ADGRL4: variants seen among roughly 807,000 people sequenced by gnomAD.
ADGRL4 encodes adhesion G protein-coupled receptor L4.
In ADGRL4, 90 loss-of-function variants were observed where a neutral mutation model predicts 74.8. The observed-to-expected ratio is 1.20, with a 90% CI of 1.02 to 1.43. The LOEUF (loss-of-function observed/expected upper bound fraction) is 1.43, where lower values mean the gene tolerates loss of function less well. Among genes scored for constraint, ADGRL4 ranks in the 40% most tolerant of loss-of-function variants. ADGRL4 has a pLI of 0.00. For missense variants in ADGRL4, 881 were observed against 814.3 expected (o/e 1.08, Z -1.00); for synonymous variants, 311 against 279.2 (o/e 1.11, Z -1.14).
At chr1:78,936,851 T>C (rs992809601) in intron 6 of ADGRL4, among the ~76,000 whole-genome samples, 1 of 152,172 alleles carries the variant, frequency 6.6e-6, no homozygotes, top group African/African-American at 2.4e-5. Context: ...AGAGCACCTA[T>C]ATATTAGTCA....
intron 12 of ADGRL4, among the ~76,000 whole-genome samples, chr1:78,898,441 A>G (rs1648444377): frequency 6.6e-6 from 1 of 152,010 alleles, no homozygotes; most frequent in Admixed American, 6.6e-5. Context: ...TCTAAATGTT[A>G]GTGCCAAAAA....
At chr1:78,965,340 G>A (rs1477123359) in intron 2 of ADGRL4, among the ~76,000 whole-genome samples, 1 of 152,062 alleles carries the variant, frequency 6.6e-6, no homozygotes, top group Non-Finnish European at 1.5e-5. Flanking sequence ...AATATTTGGA[G>A]CATTAACTCC....
intron 8 of ADGRL4, among the ~76,000 whole-genome samples, chr1:78,922,810 T>C (rs929971641): frequency 2.6e-5 from 4 of 151,976 alleles, no homozygotes; most frequent in Non-Finnish European, 5.9e-5. Flanking sequence ...ACTCAAATTT[T>C]CAGACAAATA....
chr1:78,997,525 GTT>G (rs577400279), intron 2 of ADGRL4, among the ~76,000 whole-genome samples: 2 of 151,508 alleles, frequency 1.3e-5, no homozygotes, highest in East Asian at 3.9e-4. Flanking sequence ...AAAGTAATAA[GTT>G]TTTTTTTGTT....
intron 2 of ADGRL4, among the ~76,000 whole-genome samples, chr1:78,950,181 A>G (rs907064948): frequency 1.3e-5 from 2 of 152,160 alleles, no homozygotes; most frequent in Non-Finnish European, 2.9e-5. Flanking sequence ...TGATGTTTGG[A>G]GTCAGGTAAT....
chr1:78,907,683 A>G (rs960367863), intron 12 of ADGRL4, among the ~76,000 whole-genome samples: 1 of 151,962 alleles, frequency 6.6e-6, no homozygotes, highest in East Asian at 1.9e-4. Context: ...ATGAGTGGTA[A>G]CTAGATGGAG....
At chr1:78,903,991 A>C (rs1010776790) in intron 12 of ADGRL4, among the ~76,000 whole-genome samples, 2 of 150,408 alleles carry the variant, frequency 1.3e-5, no homozygotes, top group Admixed American at 1.3e-4. Context: ...TAATAATAAT[A>C]ATGTACTATT....
intron 7 of ADGRL4, among the ~76,000 whole-genome samples, chr1:78,931,755 A>T (rs1211112967): frequency 6.6e-6 from 1 of 151,430 alleles, no homozygotes; most frequent in Non-Finnish European, 1.5e-5. Context: ...GCAAATGGAA[A>T]GAAAAAAAAA....
intron 2 of ADGRL4, among the ~76,000 whole-genome samples, chr1:78,999,855 C>G (rs1431631720): frequency 6.6e-6 from 1 of 151,496 alleles, no homozygotes; most frequent in East Asian, 1.9e-4. Flanking sequence ...TACCTACCTA[C>G]CTATCAACTT....
At chr1:78,983,650 A>C (rs1650439311) in intron 2 of ADGRL4, among the ~76,000 whole-genome samples, 2 of 151,974 alleles carry the variant, frequency 1.3e-5, no homozygotes, top group South Asian at 4.1e-4. Context: ...TAAATGAGAA[A>C]GTTATTATTT....
chr1:78,984,934 G>C (rs1478789486), intron 2 of ADGRL4, among the ~76,000 whole-genome samples: 1 of 151,664 alleles, frequency 6.6e-6, no homozygotes, highest in African/African-American at 2.4e-5. Context: ...GGAGGAAGAC[G>C]TGTTAGTATG....
At chr1:78,922,398 C>T (rs866063796) in intron 8 of ADGRL4, among the ~76,000 whole-genome samples, 2 of 151,920 alleles carry the variant, frequency 1.3e-5, no homozygotes, top group South Asian at 2.1e-4. Context: ...ATTCCAGAAA[C>T]TTGTAGAAGC....
chr1:78,926,856 T>C (rs1649125054), intron 8 of ADGRL4, 30 bp downstream of exon 8: 3 of 1,517,508 alleles, frequency 2.0e-6, no homozygotes, highest in South Asian at 1.1e-5. Flanking sequence ...ATCACAATCA[T>C]AGCCAATAAC....
intron 3 of ADGRL4, 117 bp from the exon 4 acceptor site, chr1:78,939,375 A>G (rs569573941): frequency 1.1e-5 from 12 of 1,064,224 alleles, no homozygotes; most frequent in Middle Eastern, 3.7e-4. Flanking sequence ...ACATTCTCTA[A>G]CACTTGAATT....
intron 12 of ADGRL4, among the ~76,000 whole-genome samples, chr1:78,917,315 C>T (rs1177866046): frequency 6.6e-6 from 1 of 151,598 alleles, no homozygotes; most frequent in East Asian, 1.9e-4. Flanking sequence ...GTTATGCAGA[C>T]ATCTATACTC....
intron 2 of ADGRL4, among the ~76,000 whole-genome samples, chr1:79,000,073 G>T (rs570552479): frequency 6.6e-6 from 1 of 151,992 alleles, no homozygotes; most frequent in Non-Finnish European, 1.5e-5. Context: ...GAAGCTGTGT[G>T]TTCATTTTTA....
intron 2 of ADGRL4, among the ~76,000 whole-genome samples, chr1:78,984,045 T>C (rs1056219031): frequency 6.6e-6 from 1 of 151,572 alleles, no homozygotes; most frequent in Non-Finnish European, 1.5e-5. Context: ...GAAACAAATA[T>C]CCAGGTAAGT....
intron 2 of ADGRL4, among the ~76,000 whole-genome samples, chr1:78,978,475 T>C (rs993736984): frequency 6.6e-6 from 1 of 151,960 alleles, no homozygotes; most frequent in African/African-American, 2.4e-5. Context: ...TTTTCAATAG[T>C]CAATGTTTCA....
In ADGRL4 at chr1:78,937,873, C is replaced by T. The variant is rs1183429843; in HGVS notation, c.694G>A (p.Ala232Thr). 2 of 1,613,986 alleles carry T rather than the reference C, an allele frequency of 1.2e-6. No individual in the cohort carries two copies. Among genetic ancestry groups the T allele is most frequent in the African/African-American group, 1.3e-5 (1 of 75,042 alleles). ...AAGCTCTGGGATATCCTTAAAGTAG[C>T]TTGTTCAACAGTGTGCATGAGTTTT... is the stretch of plus-strand genomic sequence containing the variant. ...LTKLMHTVEQ[A>T]TLRISQSFQK... The change falls in exon 6 of 15, where the codon GCT becomes ACT. Residue 232 changes from alanine (A) to threonine (T), a missense_variant. Ala to Thr is a moderately conservative substitution (Grantham distance 58, BLOSUM62 0). Coordinates refer to ENST00000370742, the MANE Select transcript of ADGRL4 (RefSeq NM_022159.4).
Sources: allele counts gnomAD v4.1 joint callset (sites outside exome capture counted in the v4.1 genomes callset), GRCh38; gene constraint gnomAD v4.1.1; transcripts MANE v1.5; gene names NCBI Gene and HGNC (gene_info 2026-07-23, HGNC 2026-07-21).